NTM: variants seen among roughly 807,000 people sequenced by gnomAD.
The protein encoded by NTM is neurotrimin.
NTM carries 13 observed loss-of-function variants against 42.1 expected under a neutral mutation model. The observed-to-expected ratio is 0.31, with a 90% confidence interval of 0.20 to 0.49. The LOEUF is 0.49. NTM is among the 20% of genes least tolerant of loss of function. The pLI, the probability that NTM is intolerant of heterozygous loss-of-function variation, is 0.99. For missense variants in NTM, 373 were observed against 452.8 expected (o/e 0.82, Z 1.60); for synonymous variants, 187 against 179.2 (o/e 1.04, Z -0.35).
At chr11:132,032,079 T>A (rs752597620) in intron 2 of NTM, among the ~76,000 whole-genome samples, 13 of 152,190 alleles carry the variant, frequency 8.5e-5, no homozygotes, top group Non-Finnish European at 1.8e-4. Context: ...GTTCTCACAC[T>A]CTGCACACAT....
Position 131,451,125 on chromosome 11 carries a change from G to GA in NTM, c.82+80246dup, listed in dbSNP as rs370520788. ...TTTCCTTCTTCTAGTTTCAGAATTA[G>GA]AAAAAAAAAGGTATACATGCCAAGA... On this transcript the variant is annotated intron_variant, in intron 1 of 8. Coordinates refer to ENST00000683400, the MANE Select transcript of NTM (RefSeq NM_001352005.2). Among the ~76,000 whole-genome samples the GA allele has an allele frequency of 9.2e-3, 1,380 of 149,218 alleles. 23 individuals are homozygous for GA. Among genetic ancestry groups the GA allele is most frequent in the African/African-American group, 0.032 (1,312 of 40,754 alleles).
chr11:132,115,416 G>A (rs1241382857), intron 2 of NTM, among the ~76,000 whole-genome samples: 2 of 152,180 alleles, frequency 1.3e-5, no homozygotes, highest in African/African-American at 4.8e-5. Flanking sequence ...ACATGAGATT[G>A]CACAACTTAA....
intron 1 of NTM, among the ~76,000 whole-genome samples, chr11:131,641,254 T>C (rs909351606): frequency 1.3e-5 from 2 of 152,246 alleles, no homozygotes; most frequent in African/African-American, 2.4e-5. Context: ...GGAGTTTTAC[T>C]TGATATTCTG....
intron 2 of NTM, among the ~76,000 whole-genome samples, chr11:131,971,151 A>G (rs1227663109): frequency 6.6e-6 from 1 of 152,182 alleles, no homozygotes; most frequent in African/African-American, 2.4e-5. Context: ...TTGCTTTTCA[A>G]TATGGATTTA....
chr11:131,977,848 A>T (rs1239985453), intron 2 of NTM, among the ~76,000 whole-genome samples: 2 of 152,230 alleles, frequency 1.3e-5, no homozygotes, highest in African/African-American at 4.8e-5. Flanking sequence ...AGCTCAGTAC[A>T]ATGACTCTTT....
At chr11:131,528,131 A>C (rs2050761454) in intron 1 of NTM, among the ~76,000 whole-genome samples, 1 of 152,084 alleles carries the variant, frequency 6.6e-6, no homozygotes, top group African/African-American at 2.4e-5. Flanking sequence ...TGTAACTTTC[A>C]CCTCTCTATC....
intron 1 of NTM, among the ~76,000 whole-genome samples, chr11:131,840,073 C>T (rs2044038489): frequency 6.6e-6 from 1 of 152,096 alleles, no homozygotes; most frequent in South Asian, 2.1e-4. Context: ...GGACATCGCA[C>T]TTGGTGTGTC....
chr11:132,162,366 CT>C (rs2074473768), intron 3 of NTM, among the ~76,000 whole-genome samples: 1 of 133,108 alleles, frequency 7.5e-6, no homozygotes, highest in African/African-American at 2.9e-5. Flanking sequence ...GTGGGGGGGA[CT>C]GCGTGAGTGT....
At chr11:131,578,505 G>A (rs2058123950) in intron 1 of NTM, among the ~76,000 whole-genome samples, 1 of 152,276 alleles carries the variant, frequency 6.6e-6, no homozygotes, top group African/African-American at 2.4e-5. Context: ...AAGTATTCCA[G>A]TGAGAACAGA....
At chr11:131,426,347 G>A (rs1349701299) in intron 1 of NTM, among the ~76,000 whole-genome samples, 1 of 152,118 alleles carries the variant, frequency 6.6e-6, no homozygotes, top group Non-Finnish European at 1.5e-5. Context: ...CAGGGGTTAA[G>A]AGCCATGGGA....
intron 1 of NTM, among the ~76,000 whole-genome samples, chr11:131,867,512 C>A (rs942831473): frequency 6.6e-6 from 1 of 151,074 alleles, no homozygotes; most frequent in East Asian, 1.9e-4. Context: ...AGCGTGTGTA[C>A]ACGTGTGTAT....
intron 2 of NTM, among the ~76,000 whole-genome samples, chr11:132,046,893 TTATC>T (rs1394617977): frequency 6.6e-5 from 10 of 152,184 alleles, no homozygotes; most frequent in East Asian, 1.9e-4. Context: ...AATCTATCTG[TTATC>T]TATCTATCAC....
intron 2 of NTM, among the ~76,000 whole-genome samples, chr11:131,923,061 T>TA (rs35051143): frequency 0.27 from 40,452 of 149,522 alleles, 6,472 homozygotes; most frequent in East Asian, 0.72. Context: ...GTACCCCGTT[T>TA]AAAAAAAAAA....
chr11:132,149,231 CAAAA>C (rs59485155), intron 3 of NTM, among the ~76,000 whole-genome samples: 1 of 122,910 alleles, frequency 8.1e-6, no homozygotes, highest in Non-Finnish European at 1.7e-5. Context: ...TCCTGGATTA[CAAAA>C]AAAAAAAAAA....
intron 4 of NTM, among the ~76,000 whole-genome samples, chr11:132,279,947 A>G (rs1443489669): frequency 6.6e-6 from 1 of 152,230 alleles, no homozygotes; most frequent in Admixed American, 6.5e-5. Flanking sequence ...CATTCAACAA[A>G]TAATGACCAA....
intron 3 of NTM, among the ~76,000 whole-genome samples, chr11:132,182,036 G>A (rs2077664035): frequency 6.6e-6 from 1 of 150,626 alleles, no homozygotes; most frequent in South Asian, 2.1e-4. Context: ...GTAGCTTAAA[G>A]GAATGGCAAA....
chr11:131,683,697 C>T (rs142828214), intron 1 of NTM, among the ~76,000 whole-genome samples: 16 of 152,262 alleles, frequency 1.1e-4, no homozygotes, highest in South Asian at 2.1e-4. Context: ...ACGAGTGAGG[C>T]GACCTGATCC....
At chr11:131,813,884 A>T (rs2092839305) in intron 1 of NTM, among the ~76,000 whole-genome samples, 1 of 152,164 alleles carries the variant, frequency 6.6e-6, no homozygotes, top group Non-Finnish European at 1.5e-5. Context: ...TTCAACCCAC[A>T]GCCCTCATTC....
chr11:131,625,007 C>T (rs999540587), intron 1 of NTM, among the ~76,000 whole-genome samples: 1 of 152,196 alleles, frequency 6.6e-6, no homozygotes, highest in African/African-American at 2.4e-5. Flanking sequence ...ACCTGAAAAG[C>T]TTGCTGGGTT....
Sources: gnomAD v4.1 joint callset for allele counts (sites outside exome capture counted in the v4.1 genomes callset) on GRCh38, gnomAD v4.1.1 for gene constraint, MANE v1.5 for transcripts, NCBI Gene and HGNC (gene_info 2026-07-23, HGNC 2026-07-21) for gene names.